The following FARP1 variants were observed in gnomAD, a reference collection of about 807,000 sequenced individuals.
FARP1 encodes FERM, ARHGEF and pleckstrin domain-containing protein 1.
A neutral mutation model predicts 128.8 loss-of-function variants in FARP1; 52 were observed. The ratio of observed to expected loss-of-function variants is 0.40; its 90% confidence interval spans 0.32 to 0.51. The LOEUF (loss-of-function observed/expected upper bound fraction) is 0.51. Ranked by LOEUF, FARP1 falls within the 20% of genes least tolerant of loss-of-function variation. The pLI, the probability that FARP1 is intolerant of heterozygous loss-of-function variation, is 0.45. For synonymous variants in FARP1, 580 were observed against 551.8 expected (o/e 1.05, Z -0.72); for missense variants, 1,333 against 1,367.9 (o/e 0.97, Z 0.40).
At chr13:98,185,883 A>C (rs913127903) in intron 1 of FARP1, among the ~76,000 whole-genome samples, 5 of 151,740 alleles carry the variant, frequency 3.3e-5, no homozygotes, top group African/African-American at 1.2e-4. Context: ...ATTTTAGTAG[A>C]GACAGGGTTT....
intron 2 of FARP1, among the ~76,000 whole-genome samples, chr13:98,230,263 T>G: frequency 6.6e-6 from 1 of 152,126 alleles, no homozygotes; most frequent in East Asian, 1.9e-4. Flanking sequence ...TAGGCTTTAG[T>G]GAGAACCAGA....
chr13:98,348,413 A>T (rs1352264744), intron 3 of FARP1, among the ~76,000 whole-genome samples: 3 of 152,274 alleles, frequency 2.0e-5, no homozygotes, highest in African/African-American at 7.2e-5. Context: ...TAGAGTCTGA[A>T]GGCTGGGAAA....
intron 2 of FARP1, among the ~76,000 whole-genome samples, chr13:98,257,105 A>G (rs945587662): frequency 2.0e-5 from 3 of 151,570 alleles, no homozygotes; most frequent in Non-Finnish European, 4.4e-5. Context: ...GTCACACTTC[A>G]GATACTAAAA....
In FARP1 at chr13:98,373,605, C is replaced by T. The variant is rs1163321594; in HGVS notation, c.399-4216C>T. 2.8e-5 allele frequency among the ~76,000 whole-genome samples: 4 copies of T among 145,376 alleles called. No homozygotes were observed. The East Asian group carries it at 5.9e-4, about 22-fold the overall frequency. On this transcript the variant is annotated intron_variant, in intron 5 of 26. Coordinates refer to ENST00000319562, the MANE Select transcript of FARP1 (RefSeq NM_005766.4). The stretch of plus-strand genomic sequence containing the variant: ...ACAGAAAGGGGGTTGCGGGGAGAGA[C>T]AGAAGGGTAGAGCAAGAGAACAAGA...
At chr13:98,150,635 C>A (rs537043220) in intron 1 of FARP1, among the ~76,000 whole-genome samples, 1 of 152,126 alleles carries the variant, frequency 6.6e-6, no homozygotes, top group Non-Finnish European at 1.5e-5. Flanking sequence ...AAGAATAGCA[C>A]ATTTCTTGTC....
chr13:98,184,474 G>A (rs1237000367), intron 1 of FARP1, among the ~76,000 whole-genome samples: 2 of 152,152 alleles, frequency 1.3e-5, no homozygotes, highest in African/African-American at 4.8e-5. Flanking sequence ...GATGTAGGAG[G>A]TTATTTGATT....
At chr13:98,169,594 C>T (rs889054357) in intron 1 of FARP1, among the ~76,000 whole-genome samples, 15 of 152,144 alleles carry the variant, frequency 9.9e-5, no homozygotes, top group Non-Finnish European at 1.9e-4. Flanking sequence ...AACTTTAAGG[C>T]ATGCTTAGAT....
chr13:98,448,900 T>G lies in FARP1; in HGVS notation c.*583T>G, dbSNP rs2139197221. 6.6e-6 allele frequency: 1 copy of G among 152,388 alleles called. No individual in the cohort carries two copies. Among genetic ancestry groups the G allele is most frequent in the Non-Finnish European group, 1.5e-5 (1 of 68,082 alleles). The allele number at this position is 152,388 out of a possible 1,614,324, so 9.4% of individuals were successfully genotyped here. A position where few individuals can be genotyped will look rare whatever the true frequency, so the allele number is the denominator to read the frequency against. On this transcript the variant is annotated 3_prime_UTR_variant, in exon 27 of 27. Transcript: ENST00000319562. ...CAATTTGCAGCACACAGCGTTCCAC[T>G]GCGGGGTTTCACGCTCACCTGAAAA...
chr13:98,165,524 GC>G (rs1196438796), intron 1 of FARP1, among the ~76,000 whole-genome samples: 1 of 151,806 alleles, frequency 6.6e-6, no homozygotes, highest in Non-Finnish European at 1.5e-5. Flanking sequence ...TTAACAGAAG[GC>G]CGTGGGAAAA....
chr13:98,212,275 C>T (rs1269638624), intron 1 of FARP1, among the ~76,000 whole-genome samples: 2 of 152,170 alleles, frequency 1.3e-5, no homozygotes, highest in Non-Finnish European at 2.9e-5. Flanking sequence ...AGGCTGGTCT[C>T]GAACTCCTGA....
intron 9 of FARP1, 68 bp from the exon 10 acceptor site, chr13:98,389,889 T>C (rs1890241039): frequency 2.7e-6 from 4 of 1,479,774 alleles, no homozygotes; most frequent in Non-Finnish European, 2.8e-6. Context: ...CTTCTGCCCC[T>C]TTTCTCCTAT....
chr13:98,343,112 C>A (rs1594424556), intron 2 of FARP1, among the ~76,000 whole-genome samples: 1 of 152,002 alleles, frequency 6.6e-6, no homozygotes, highest in African/African-American at 2.4e-5. Context: ...CTGTATGAGT[C>A]CTGTATGAGT....
At chr13:98,198,497 T>C (rs1879722958) in intron 1 of FARP1, among the ~76,000 whole-genome samples, 1 of 152,138 alleles carries the variant, frequency 6.6e-6, no homozygotes. Flanking sequence ...TTTGGGAGGC[T>C]GAGGTGGGAG....
chr13:98,186,577 A>T (rs900960670), intron 1 of FARP1, among the ~76,000 whole-genome samples: 3 of 152,130 alleles, frequency 2.0e-5, no homozygotes, highest in African/African-American at 7.2e-5. Context: ...TTCGTGCTTC[A>T]TGTTGTAGCA....
chr13:98,323,174 A>G (rs1887076838), intron 2 of FARP1, among the ~76,000 whole-genome samples: 1 of 152,204 alleles, frequency 6.6e-6, no homozygotes, highest in South Asian at 2.1e-4. Flanking sequence ...AATGATCAAT[A>G]TATTATTTTA....
At position 98,250,076 on chromosome 13, in the gene FARP1, T is replaced by C. The variant is rs73555074; in HGVS notation, c.171+36663T>C. Among the ~76,000 whole-genome samples the C allele has an allele frequency of 9.4e-3, 1,438 of 152,348 alleles. 19 individuals carry two copies. The highest frequency in any genetic ancestry group is 0.029 in the African/African-American group (1,194 of 41,580). ...ATATGTATGAGAAAATACATCGCTTTAAATTTACTCGTGAGATTCACCAAT... is the reference window on the plus strand; with the variant it reads ...ATATGTATGAGAAAATACATCGCTTCAAATTTACTCGTGAGATTCACCAAT... On this transcript the variant is annotated intron_variant, in intron 2 of 26. Coordinates refer to ENST00000319562, the MANE Select transcript of FARP1 (RefSeq NM_005766.4).
chr13:98,285,343 A>G (rs1885118860), intron 2 of FARP1, among the ~76,000 whole-genome samples: 1 of 152,210 alleles, frequency 6.6e-6, no homozygotes, highest in African/African-American at 2.4e-5. Context: ...TTTTCTCGTC[A>G]TGAATGCTAG....
rs183075788 is a variant in FARP1 at position 98,303,357 on chromosome 13, C to T, written c.172-40405C>T. Among the ~76,000 whole-genome samples, 144 of 152,342 alleles carry T rather than the reference C, an allele frequency of 9.5e-4. 1 individual carries two copies. Among genetic ancestry groups the T allele is most frequent in the South Asian group, 4.1e-4 (2 of 4,832 alleles). ...AGAAATGTACTAAAAAGTCATTGAACTGTATACTTACAGTAGTTGAATTTT... is the reference window on the plus strand; with the variant it reads ...AGAAATGTACTAAAAAGTCATTGAATTGTATACTTACAGTAGTTGAATTTT... On this transcript the variant is annotated intron_variant, in intron 2 of 26. Coordinates refer to ENST00000319562, the MANE Select transcript of FARP1 (RefSeq NM_005766.4).
chr13:98,379,051 C>A (rs190404269), intron 6 of FARP1, among the ~76,000 whole-genome samples: 7 of 61,566 alleles, frequency 1.1e-4, no homozygotes, highest in African/African-American at 2.2e-4. Flanking sequence ...AATATGTAAT[C>A]TATATATAAT....
Sources: gnomAD v4.1 joint callset for allele counts (sites outside exome capture counted in the v4.1 genomes callset) on GRCh38, gnomAD v4.1.1 for gene constraint, MANE v1.5 for transcripts, NCBI Gene and HGNC (gene_info 2026-07-23, HGNC 2026-07-21) for gene names.